Variants in CERS3 observed in about 807,000 individuals in gnomAD.
CERS3 encodes the protein LAG1 homolog, ceramide synthase 3.
CERS3 carries 33 observed loss-of-function variants against 50.3 expected under a neutral mutation model. That is an observed-to-expected ratio of 0.66 (90% CI 0.50 to 0.88). The LOEUF is 0.88. Ranked by LOEUF, CERS3 falls within the 40% of genes least tolerant of loss-of-function variation. The pLI, the probability that CERS3 is intolerant of heterozygous loss-of-function variation, is 0.00. For synonymous variants in CERS3, 176 were observed against 155.2 expected (o/e 1.13, Z -0.99); for missense variants, 470 against 460.3 (o/e 1.02, Z -0.19).
Position 100,406,622 on chromosome 15 carries a change from A to G in CERS3, c.1000-3757T>C, listed in dbSNP as rs115744524. Among the ~76,000 whole-genome samples the G allele has an allele frequency of 5.2e-3, 796 of 152,306 alleles. 7 individuals carry two copies. The highest frequency in any genetic ancestry group is 0.018 in the African/African-American group (762 of 41,582). On this transcript the variant is annotated intron_variant, in intron 11 of 11. Coordinates refer to ENST00000679737, the MANE Select transcript of CERS3 (RefSeq NM_001378789.1). ...CTTGGCATCTCCTCAGTTAAGATGCATCAGAGAAAGGCAAGCTTTCTCTGA... is the reference window on the plus strand; with the variant it reads ...CTTGGCATCTCCTCAGTTAAGATGCGTCAGAGAAAGGCAAGCTTTCTCTGA...
chr15:100,442,077 G>A (rs530209675), intron 11 of CERS3, among the ~76,000 whole-genome samples: 199 of 152,218 alleles, frequency 1.3e-3, no homozygotes, highest in Non-Finnish European at 2.6e-3. Context: ...TACCTGCCCA[G>A]CAATTTACTC....
chr15:100,540,899 G>A (rs1365205527), intron 1 of CERS3, among the ~76,000 whole-genome samples: 1 of 152,124 alleles, frequency 6.6e-6, no homozygotes, highest in Admixed American at 6.5e-5. Context: ...TTCAAGCTAC[G>A]TATACTTTCT....
intron 2 of CERS3, among the ~76,000 whole-genome samples, chr15:100,505,845 A>G (rs1503475): frequency 6.6e-6 from 1 of 152,110 alleles, no homozygotes; most frequent in Non-Finnish European, 1.5e-5. Flanking sequence ...CCATCTCTAC[A>G]AAAAATACAA....
intron 11 of CERS3, among the ~76,000 whole-genome samples, chr15:100,411,844 T>C (rs1442865259): frequency 6.6e-6 from 1 of 152,170 alleles, no homozygotes; most frequent in Non-Finnish European, 1.5e-5. Context: ...TTGATTTGCG[T>C]TTCCCTAATG....
At chr15:100,540,187 C>G (rs540308101) in intron 1 of CERS3, among the ~76,000 whole-genome samples, 3 of 152,284 alleles carry the variant, frequency 2.0e-5, no homozygotes, top group African/African-American at 4.8e-5. Flanking sequence ...TGGCTCAGGC[C>G]CCATCTGTGA....
chr15:100,522,846 G>C (rs1484710489), intron 1 of CERS3, among the ~76,000 whole-genome samples: 2 of 152,160 alleles, frequency 1.3e-5, no homozygotes, highest in East Asian at 3.9e-4. Context: ...ACATATACCT[G>C]GGAGTGGAAA....
At chr15:100,440,548 A>G (rs1055147955) in intron 11 of CERS3, among the ~76,000 whole-genome samples, 1 of 152,198 alleles carries the variant, frequency 6.6e-6, no homozygotes, top group Non-Finnish European at 1.5e-5. Context: ...CAGGTGAAAT[A>G]AACAGCCTTG....
intron 11 of CERS3, among the ~76,000 whole-genome samples, chr15:100,443,469 T>G (rs2033794598): frequency 6.7e-6 from 1 of 149,282 alleles, no homozygotes; most frequent in African/African-American, 2.5e-5. Flanking sequence ...ATCCACCCCA[T>G]GGTGTCAAAC....
chr15:100,482,411 C>A (rs903073371), intron 5 of CERS3, among the ~76,000 whole-genome samples: 1 of 152,036 alleles, frequency 6.6e-6, no homozygotes, highest in Non-Finnish European at 1.5e-5. Flanking sequence ...GGGGACGCTG[C>A]ATAGAGTGGG....
At chr15:100,527,542 G>A (rs1489956454) in intron 1 of CERS3, among the ~76,000 whole-genome samples, 1 of 152,292 alleles carries the variant, frequency 6.6e-6, no homozygotes, top group African/African-American at 2.4e-5. Context: ...CCCTGTAGGG[G>A]GTTAATGGAA....
rs1389706881 is a variant in CERS3, at chr15:100,502,297, C to T, written c.-1-447G>A. Among the ~76,000 whole-genome samples, 3 of 132,942 alleles carry T rather than the reference C, an allele frequency of 2.3e-5. No individual in the cohort carries two copies. The East Asian group carries it at 6.7e-4, about 30-fold the overall frequency. The allele number at this position is 132,942 out of a possible 152,430, so 87.2% of individuals were successfully genotyped here. The stretch of plus-strand genomic sequence containing the variant: ...AAAGAAAGAAAGAAAGAAAATAAGG[C>T]AAGAATGGAATACTATTATTTAATG... On this transcript the variant is annotated intron_variant, in intron 2 of 11. Coordinates refer to ENST00000679737, the MANE Select transcript of CERS3 (RefSeq NM_001378789.1).
intron 11 of CERS3, among the ~76,000 whole-genome samples, chr15:100,431,279 C>T (rs751458095): frequency 1.6e-4 from 25 of 152,150 alleles, no homozygotes; most frequent in Non-Finnish European, 3.5e-4. Context: ...AGAAAGGCAA[C>T]ATAAAATTGC....
intron 11 of CERS3, among the ~76,000 whole-genome samples, chr15:100,407,764 T>A (rs1262756024): frequency 6.6e-6 from 1 of 152,212 alleles, no homozygotes; most frequent in Non-Finnish European, 1.5e-5. Flanking sequence ...AGCATCTACA[T>A]GGTATTAGGT....
At chr15:100,471,654 C>G (rs545607631) in intron 9 of CERS3, among the ~76,000 whole-genome samples, 155 of 152,296 alleles carry the variant, frequency 1.0e-3, no homozygotes, top group African/African-American at 3.7e-3. Context: ...TGCATCCAGA[C>G]AGCACCATAC....
At position 100,476,189 on chromosome 15, in the gene CERS3, G is replaced by T; in HGVS notation, c.517-11C>A. On this transcript the variant is annotated splice_polypyrimidine_tract_variant and intron_variant, in intron 7 of 11. Coordinates refer to ENST00000679737, the MANE Select transcript of CERS3 (RefSeq NM_001378789.1). ...GGATGGCAGCAGGGGCTGAGGAAAA[G>T]AAGAGTATTCATTACTTTAAATGCC... 6.5e-7 allele frequency: 1 copy of T among 1,538,638 alleles called. No homozygotes were observed. Among genetic ancestry groups the T allele is most frequent in the Non-Finnish European group, 8.7e-7 (1 of 1,144,482 alleles).
intron 11 of CERS3, among the ~76,000 whole-genome samples, chr15:100,444,355 C>G (rs888604397): frequency 9.0e-6 from 1 of 110,832 alleles, no homozygotes; most frequent in Non-Finnish European, 1.9e-5. Flanking sequence ...GGACTTCAAT[C>G]CGGCCTCCCA....
At chr15:100,479,931 A>G (rs1193966022) in intron 6 of CERS3, 58 bp downstream of exon 6, 1 of 1,311,682 alleles carries the variant, frequency 7.6e-7, no homozygotes, top group Non-Finnish European at 1.1e-6. Flanking sequence ...GAATTCACAG[A>G]CAAGAATTTC....
At chr15:100,475,906 T>C in intron 8 of CERS3, 180 bp downstream of exon 8, 1 of 344,756 alleles carries the variant, frequency 2.9e-6, no homozygotes, top group South Asian at 6.5e-5. Context: ...ACTACAAATG[T>C]TTACCAAGGC....
chr15:100,468,355 C>A (rs2034851901), intron 10 of CERS3, among the ~76,000 whole-genome samples: 1 of 152,112 alleles, frequency 6.6e-6, no homozygotes, highest in South Asian at 2.1e-4. Context: ...GGATTTAAAT[C>A]CAGGATGGAC....
Sources: allele counts gnomAD v4.1 joint callset (sites outside exome capture counted in the v4.1 genomes callset), GRCh38; gene constraint gnomAD v4.1.1; transcripts MANE v1.5; gene names NCBI Gene and HGNC (gene_info 2026-07-23, HGNC 2026-07-21).